The following B3GLCT variants were observed in gnomAD, a reference collection of about 807,000 sequenced individuals.
B3GLCT encodes beta-1,3-glucosyltransferase.
In B3GLCT, 65 loss-of-function variants were observed where a neutral mutation model predicts 63.4. That is an observed-to-expected ratio of 1.03 (90% confidence interval 0.84 to 1.26). The LOEUF is 1.26. Ranked by LOEUF, B3GLCT falls within the 50% of genes most tolerant of loss-of-function variation. The pLI, the probability that B3GLCT is intolerant of heterozygous loss-of-function variation, is 0.00. For synonymous variants in B3GLCT, 233 were observed against 219.2 expected (o/e 1.06, Z -0.55); for missense variants, 577 against 604.8 (o/e 0.95, Z 0.48).
At chr13:31,253,870 A>G (rs1871578329) in intron 6 of B3GLCT, among the ~76,000 whole-genome samples, 1 of 152,188 alleles carries the variant, frequency 6.6e-6, no homozygotes, top group African/African-American at 2.4e-5. Flanking sequence ...CCAATCCCAC[A>G]GAAATACAAA....
intron 4 of B3GLCT, among the ~76,000 whole-genome samples, chr13:31,243,387 G>A (rs1402181676): frequency 6.6e-6 from 1 of 152,186 alleles, no homozygotes; most frequent in Non-Finnish European, 1.5e-5. Context: ...TTCCAGACAT[G>A]CAGAAAAACT....
At chr13:31,216,169 A>G (rs1355222454) in intron 2 of B3GLCT, among the ~76,000 whole-genome samples, 1 of 152,108 alleles carries the variant, frequency 6.6e-6, no homozygotes, top group Non-Finnish European at 1.5e-5. Flanking sequence ...GGTGTTTATT[A>G]TCTGTTTTAA....
intron 7 of B3GLCT, among the ~76,000 whole-genome samples, chr13:31,266,315 A>C (rs1195036282): frequency 4.6e-5 from 7 of 152,274 alleles, no homozygotes; most frequent in East Asian, 3.9e-4. Context: ...GGCATGAGCC[A>C]CCACACCCGG....
At chr13:31,301,395 G>T (rs1874216549) in intron 12 of B3GLCT, among the ~76,000 whole-genome samples, 1 of 152,192 alleles carries the variant, frequency 6.6e-6, no homozygotes, top group East Asian at 1.9e-4. Context: ...CTGCTCAAAG[G>T]ATTTACATAT....
intron 4 of B3GLCT, among the ~76,000 whole-genome samples, chr13:31,244,275 T>C (rs922740759): frequency 6.6e-6 from 1 of 152,186 alleles, no homozygotes; most frequent in Admixed American, 6.5e-5. Flanking sequence ...GTGGATCACC[T>C]GAAATCAGGA....
intron 10 of B3GLCT, among the ~76,000 whole-genome samples, chr13:31,279,208 C>A (rs1440363222): frequency 6.6e-6 from 1 of 152,048 alleles, no homozygotes; most frequent in Non-Finnish European, 1.5e-5. Flanking sequence ...AAATACAAAT[C>A]GAGCTGAGAA....
chr13:31,283,493 T>G (rs961172373), intron 10 of B3GLCT, among the ~76,000 whole-genome samples: 4 of 152,166 alleles, frequency 2.6e-5, no homozygotes, highest in African/African-American at 9.7e-5. Flanking sequence ...GTAGAAACCT[T>G]TAGAACTATC....
Position 31,329,619 on chromosome 13 carries a change from A to G in B3GLCT, c.1448A>G (p.Glu483Gly), listed in dbSNP as rs965964706. The G allele has an allele frequency of 1.9e-6, 3 of 1,614,094 alleles. No individual in the cohort carries two copies. Among genetic ancestry groups the G allele is most frequent in the Non-Finnish European group, 2.5e-6 (3 of 1,180,046 alleles). ...TTCACATGGTTGGCACCCAGTGACG[A>G]AGACAAAGCCAGGCAGGAGACACAG... ...VYFTWLAPSD[E>G]DKARQETQKG... Residue 483 changes from glutamate (E) to glycine (G), a missense_variant, in exon 15 of 15, where the codon GAA (glutamate) becomes GGA (glycine). By Grantham distance (98) the Glu-to-Gly change is moderately conservative (BLOSUM62 -2). Coordinates refer to ENST00000343307, the MANE Select transcript of B3GLCT (RefSeq NM_194318.4).
intron 4 of B3GLCT, among the ~76,000 whole-genome samples, chr13:31,236,306 C>T (rs1313410880): frequency 6.6e-6 from 1 of 152,202 alleles, no homozygotes; most frequent in Non-Finnish European, 1.5e-5. Context: ...TTCTATGCAT[C>T]TATTTAGCTT....
intron 10 of B3GLCT, among the ~76,000 whole-genome samples, chr13:31,278,516 G>T (rs1483800540): frequency 6.6e-6 from 1 of 152,184 alleles, no homozygotes; most frequent in East Asian, 1.9e-4. Context: ...GATCATTAAA[G>T]CATGAGGCCT....
chr13:31,312,800 A>G (rs1305050803), intron 12 of B3GLCT: 2 of 152,252 alleles, frequency 1.3e-5, no homozygotes, highest in African/African-American at 4.8e-5. Context: ...TTAGAAAATC[A>G]TTGGCAACTA....
intron 6 of B3GLCT, among the ~76,000 whole-genome samples, chr13:31,249,301 C>T (rs919553698): frequency 6.6e-6 from 1 of 152,088 alleles, no homozygotes; most frequent in Admixed American, 6.6e-5. Context: ...TTCTGGGAAG[C>T]TTTAGATATA....
chr13:31,323,621 C>A, intron 13 of B3GLCT, 130 bp from the exon 14 acceptor site: 1 of 1,029,564 alleles, frequency 9.7e-7, no homozygotes, highest in Non-Finnish European at 1.5e-6. Flanking sequence ...ACCTAGAGCT[C>A]AGTAACTAGA....
At chr13:31,228,922 C>T (rs1313074160) in intron 3 of B3GLCT, among the ~76,000 whole-genome samples, 7 of 152,154 alleles carry the variant, frequency 4.6e-5, no homozygotes, top group Non-Finnish European at 7.4e-5. Flanking sequence ...CTGACATATG[C>T]GGGAGCACAT....
chr13:31,250,767 G>A (rs757651584), intron 6 of B3GLCT, among the ~76,000 whole-genome samples: 2 of 152,322 alleles, frequency 1.3e-5, no homozygotes, highest in East Asian at 3.9e-4. Flanking sequence ...CTGGGGGAAG[G>A]GGCAGTTGTG....
chr13:31,246,973 T>TTTTTTTTTTTG, intron 4 of B3GLCT, 50 bp from the exon 5 acceptor site: 1 of 1,235,780 alleles, frequency 8.1e-7, no homozygotes, highest in South Asian at 1.3e-5. Context: ...TTTTACTTTT[T>TTTTTTTTTTTG]TTCGGAGTAG....
chr13:31,286,476 ATC>A (rs796191786), intron 11 of B3GLCT, among the ~76,000 whole-genome samples: 27 of 152,214 alleles, frequency 1.8e-4, no homozygotes, highest in African/African-American at 5.3e-4. Flanking sequence ...AATTCCACTC[ATC>A]TCTCTAGGTC....
At chr13:31,308,528 G>T (rs903154113) in intron 12 of B3GLCT, among the ~76,000 whole-genome samples, 3 of 151,754 alleles carry the variant, frequency 2.0e-5, no homozygotes, top group African/African-American at 7.3e-5. Context: ...GTTCCCTCAG[G>T]AATAACCTCC....
chr13:31,248,500 A>G (rs184895706), intron 6 of B3GLCT, among the ~76,000 whole-genome samples: 25 of 152,314 alleles, frequency 1.6e-4, no homozygotes, highest in Admixed American at 1.4e-3. Context: ...GGGTGCTGTT[A>G]GAAGCATATA....
Sources: gnomAD v4.1 joint callset for allele counts (sites outside exome capture counted in the v4.1 genomes callset) on GRCh38, gnomAD v4.1.1 for gene constraint, MANE v1.5 for transcripts, NCBI Gene and HGNC (gene_info 2026-07-23, HGNC 2026-07-21) for gene names.